Variants in TMEM67 observed in about 807,000 individuals in gnomAD.
TMEM67 encodes meckelin.
TMEM67 carries 124 observed loss-of-function variants against 136.6 expected under a neutral mutation model. The ratio of observed to expected loss-of-function variants is 0.91; its 90% CI spans 0.78 to 1.05. The LOEUF is 1.05. Among genes scored for constraint, TMEM67 ranks in the 50% least tolerant of loss-of-function variants. The pLI, the probability that TMEM67 is intolerant of heterozygous loss-of-function variation, is 0.00. For synonymous variants in TMEM67, 364 were observed against 390.5 expected, an observed-to-expected ratio of 0.93 and a Z score of 0.80; for missense variants, 1,107 against 1,178.4, an observed-to-expected ratio of 0.94 and a Z score of 0.89.
chr8:93,790,796 C>T (rs1326001837), intron 14 of TMEM67, among the ~76,000 whole-genome samples: 2 of 152,178 alleles, frequency 1.3e-5, no homozygotes, highest in African/African-American at 4.8e-5. Context: ...TAGGTATCTT[C>T]CTCTCCTACC....
chr8:93,803,808 T>C (rs2130758380), intron 22 of TMEM67, 124 bp downstream of exon 22: 1 of 686,782 alleles, frequency 1.5e-6, no homozygotes, highest in Middle Eastern at 3.8e-4. Flanking sequence ...TTCCACTGGT[T>C]GTTAATTCCA....
At chr8:93,778,139 GT>G (rs1358848305) in intron 7 of TMEM67, among the ~76,000 whole-genome samples, 1 of 152,080 alleles carries the variant, frequency 6.6e-6, no homozygotes, top group Non-Finnish European at 1.5e-5. Flanking sequence ...ATCTTTGTTG[GT>G]TTAAAGTCTA....
chr8:93,783,688 T>TC (rs1813956535), intron 11 of TMEM67, among the ~76,000 whole-genome samples: 1 of 152,188 alleles, frequency 6.6e-6, no homozygotes, highest in African/African-American at 2.4e-5. Context: ...GACTCACAGT[T>TC]CACTATGGCT....
At position 93,780,728 on chromosome 8, in the gene TMEM67, GTTCA is replaced by G; in HGVS notation, c.854_857del (p.His285LeufsTer18). On this transcript the variant is annotated frameshift_variant, in exon 8 of 28. Coordinates refer to ENST00000453321, the MANE Select transcript of TMEM67 (RefSeq NM_153704.6). LOFTEE classifies it high-confidence loss of function. ...TGAAAATACTGCTGGACTGAGCACT[GTTCA>G]TTCTATTTCATTTTGGTAAGGATAT... The G allele has an allele frequency of 6.2e-7, 1 of 1,613,896 alleles. No individual in the cohort carries two copies. The highest frequency in any genetic ancestry group is 2.2e-5 in the East Asian group (1 of 44,866).
At chr8:93,762,829 ATG>A in intron 3 of TMEM67, 1 of 292,748 alleles carries the variant, frequency 3.4e-6, no homozygotes, top group Admixed American at 4.2e-5. Context: ...CATAAGTGGT[ATG>A]TTTGCATAAA....
intron 14 of TMEM67, among the ~76,000 whole-genome samples, chr8:93,788,328 G>T (rs1380899542): frequency 6.6e-6 from 1 of 152,146 alleles, no homozygotes; most frequent in Non-Finnish European, 1.5e-5. Context: ...ACTTTGGGAG[G>T]CTAAGGCGGG....
At chr8:93,806,877 T>G (rs1815173692) in intron 23 of TMEM67, among the ~76,000 whole-genome samples, 1 of 152,102 alleles carries the variant, frequency 6.6e-6, no homozygotes, top group South Asian at 2.1e-4. Context: ...TTTATTAATA[T>G]AGTACATTTG....
intron 3 of TMEM67, among the ~76,000 whole-genome samples, chr8:93,762,653 A>G (rs1309375225): frequency 6.6e-6 from 1 of 152,062 alleles, no homozygotes; most frequent in Non-Finnish European, 1.5e-5. Context: ...TGGGGGGTGT[A>G]TTCTTAGGGA....
At position 93,804,838 on chromosome 8, in the gene TMEM67, C is replaced by G. The variant is rs1434607223; in HGVS notation, c.2399C>G (p.Thr800Ser). 6.9e-6 allele frequency: 11 copies of G among 1,604,288 alleles called. No individual in the cohort carries two copies. Among genetic ancestry groups the G allele is most frequent in the Non-Finnish European group, 8.5e-6 (10 of 1,171,618 alleles). The change falls in exon 23 of 28, where the codon ACT becomes AGT. Residue 800 changes from threonine (T) to serine (S), a missense_variant. By Grantham distance (58) the Thr-to-Ser change is moderately conservative. This residue lies in a region of TMEM67 where 925 missense variants were observed against 1,002.4 expected (regional missense o/e 0.92). Coordinates refer to ENST00000453321, the MANE Select transcript of TMEM67 (RefSeq NM_153704.6). Reference sequence around the variant, plus strand: ...AGATCAGTACATGGGCATGCAGATACTAATATGGAAGAAATGAATATGAAC... The same window carrying G: ...AGATCAGTACATGGGCATGCAGATAGTAATATGGAAGAAATGAATATGAAC... ...HGRSVHGHAD[T>S]NMEEMNMNLK...
intron 21 of TMEM67, 128 bp from the exon 22 acceptor site, chr8:93,803,476 C>T (rs1475616251): frequency 3.2e-6 from 2 of 621,054 alleles, no homozygotes; most frequent in African/African-American, 1.8e-5. Flanking sequence ...GACTTTATCA[C>T]ATAGGAACTG....
At chr8:93,791,446 T>C (rs1814371409) in intron 15 of TMEM67, 127 bp downstream of exon 15, 1 of 656,564 alleles carries the variant, frequency 1.5e-6, no homozygotes, top group Admixed American at 2.5e-5. Flanking sequence ...AATGTTAGCA[T>C]ACAAAACCTT....
At position 93,787,409 on chromosome 8, in the gene TMEM67, G is replaced by T. The variant is rs73326921; in HGVS notation, c.1413-435G>T. On this transcript the variant is annotated intron_variant, in intron 13 of 27. Coordinates refer to ENST00000453321, the MANE Select transcript of TMEM67 (RefSeq NM_153704.6). Reference sequence around the variant, plus strand: ...AGGCATGAGCCACTGCACCTGGCTTGACACATATTATTTTGTTAAGAATTC... The same window carrying T: ...AGGCATGAGCCACTGCACCTGGCTTTACACATATTATTTTGTTAAGAATTC... Among the ~76,000 whole-genome samples the T allele has an allele frequency of 4.2e-3, 638 of 152,254 alleles. 4 individuals carry two copies. Among genetic ancestry groups the T allele is most frequent in the African/African-American group, 0.015 (620 of 41,554 alleles).
chr8:93,778,971 C>T (rs532103356), intron 7 of TMEM67, among the ~76,000 whole-genome samples: 1 of 152,262 alleles, frequency 6.6e-6, no homozygotes, highest in South Asian at 2.1e-4. Flanking sequence ...TTCCATTTTC[C>T]CCATCACTTT....
intron 4 of TMEM67, among the ~76,000 whole-genome samples, chr8:93,764,402 T>C (rs1196700793): frequency 1.3e-5 from 2 of 152,202 alleles, no homozygotes; most frequent in South Asian, 2.1e-4. Flanking sequence ...TAATGTTACA[T>C]AGAAAAACAT....
intron 2 of TMEM67, among the ~76,000 whole-genome samples, chr8:93,758,067 G>A (rs58583073): frequency 1.3e-5 from 2 of 152,098 alleles, no homozygotes; most frequent in Non-Finnish European, 2.9e-5. Flanking sequence ...AAATTTTTTA[G>A]GTATTTGAAT....
chr8:93,772,870 G>A (rs1225290428), intron 7 of TMEM67, among the ~76,000 whole-genome samples: 6 of 152,110 alleles, frequency 3.9e-5, no homozygotes, highest in Admixed American at 6.5e-5. Flanking sequence ...TAGCTGAAAC[G>A]GAGTGTTAGG....
At chr8:93,757,970 T>C (rs1812657297) in intron 2 of TMEM67, among the ~76,000 whole-genome samples, 1 of 152,172 alleles carries the variant, frequency 6.6e-6, no homozygotes, top group African/African-American at 2.4e-5. Flanking sequence ...TTGGCCAGGC[T>C]GGCCTCAAGC....
intron 7 of TMEM67, among the ~76,000 whole-genome samples, chr8:93,779,522 G>A (rs1813712399): frequency 6.6e-6 from 1 of 152,182 alleles, no homozygotes. Context: ...TGATGTTGGT[G>A]ACCTACAGAT....
At chr8:93,777,164 A>C (rs199580616) in intron 7 of TMEM67, among the ~76,000 whole-genome samples, 2 of 151,984 alleles carry the variant, frequency 1.3e-5, no homozygotes. Context: ...ATTCTCTGAT[A>C]GTAGTTTGTA....
Sources: gnomAD v4.1 joint callset for allele counts (sites outside exome capture counted in the v4.1 genomes callset) on GRCh38, gnomAD v4.1.1 for gene constraint, gnomAD v4.1.1 regional missense constraint, MANE v1.5 for transcripts, NCBI Gene and HGNC (gene_info 2026-07-23, HGNC 2026-07-21) for gene names.